CLASP1: variants seen among roughly 807,000 people sequenced by gnomAD.
The protein encoded by CLASP1 is cytoplasmic linker associated protein 1.
CLASP1 carries 38 observed loss-of-function variants against 192.3 expected under a neutral mutation model. The observed-to-expected ratio is 0.20, with a 90% confidence interval of 0.15 to 0.26. The LOEUF is 0.26. Ranked by LOEUF, CLASP1 falls within the 10% of genes least tolerant of loss-of-function variation. The probability of loss-of-function intolerance (pLI) is 1.00; values close to 1 mark genes in which losing one functional copy is unlikely to be tolerated. For missense variants in CLASP1, 1,433 were observed against 1,932.5 expected, an observed-to-expected ratio of 0.74 and a Z score of 4.85; for synonymous variants, 691 against 712.8, an observed-to-expected ratio of 0.97 and a Z score of 0.49.
rs767065234 is a variant in CLASP1, at chr2:121,458,836, T to C, written c.1314+4A>G. On this transcript the variant is annotated splice_donor_region_variant and intron_variant, in intron 13 of 39. Transcript: ENST00000263710. ...ATTTCAAGCATGGCCTATAACATAC[T>C]TACCCGAATAATTAACCTAACAGCT... 2.5e-6 allele frequency: 4 copies of C among 1,603,552 alleles called. No individual in the cohort carries two copies. Among genetic ancestry groups the C allele is most frequent in the Non-Finnish European group, 3.4e-6 (4 of 1,175,214 alleles).
At chr2:121,609,287 A>G (rs1370175848) in intron 1 of CLASP1, among the ~76,000 whole-genome samples, 1 of 152,206 alleles carries the variant, frequency 6.6e-6, no homozygotes, top group African/African-American at 2.4e-5. Context: ...ATTGTATAAG[A>G]TTTCTAACAA....
intron 2 of CLASP1, among the ~76,000 whole-genome samples, chr2:121,540,445 G>A (rs909997343): frequency 2.0e-5 from 3 of 152,132 alleles, no homozygotes; most frequent in South Asian, 2.1e-4. Flanking sequence ...CAAGTCCAGT[G>A]TGGGCAAGAT....
intron 2 of CLASP1, chr2:121,531,146 G>C (rs997065922): frequency 1.3e-5 from 8 of 614,968 alleles, no homozygotes; most frequent in Non-Finnish European, 2.1e-5. Flanking sequence ...CAGTTTTTGC[G>C]GTGATTAAAC....
At chr2:121,527,936 G>A in intron 4 of CLASP1, 46 bp from the exon 5 acceptor site, 1 of 1,485,418 alleles carries the variant, frequency 6.7e-7, no homozygotes, top group Non-Finnish European at 9.4e-7. Flanking sequence ...GACTGCTGCA[G>A]CTGACACTTT....
At chr2:121,605,717 T>G (rs1369476232) in exon 2 of CLASP1, 1 of 1,613,726 alleles carries the variant, frequency 6.2e-7, no homozygotes, top group African/African-American at 1.3e-5. Flanking sequence ...ATTGCTAGAG[T>G]TCACCCAAGA....
chr2:121,585,743 CA>C (rs776563467), intron 2 of CLASP1, among the ~76,000 whole-genome samples: 1 of 151,892 alleles, frequency 6.6e-6, no homozygotes, highest in Non-Finnish European at 1.5e-5. Flanking sequence ...ACTAAAAATA[CA>C]AAATTAGCTG....
At chr2:121,503,672 G>A (rs2093838249) in intron 7 of CLASP1, 1 of 154,212 alleles carries the variant, frequency 6.5e-6, no homozygotes, top group Non-Finnish European at 1.4e-5. Context: ...ACGTTACAAA[G>A]GCTTGTGCTT....
At chr2:121,372,621 C>T (rs546219968) in intron 34 of CLASP1, among the ~76,000 whole-genome samples, 5 of 152,196 alleles carry the variant, frequency 3.3e-5, no homozygotes, top group Admixed American at 6.5e-5. Flanking sequence ...AGCATTTGCT[C>T]GACAGCCCCA....
chr2:121,532,197 T>C (rs2094912046), intron 2 of CLASP1, among the ~76,000 whole-genome samples: 1 of 152,248 alleles, frequency 6.6e-6, no homozygotes, highest in African/African-American at 2.4e-5. Flanking sequence ...ATACATAAAA[T>C]GTTCTTGCAA....
At chr2:121,538,873 AC>A (rs2095162925) in intron 2 of CLASP1, among the ~76,000 whole-genome samples, 2 of 152,170 alleles carry the variant, frequency 1.3e-5, no homozygotes, top group African/African-American at 2.4e-5. Flanking sequence ...GAAAAAAATT[AC>A]ATTTCTATTC....
chr2:121,436,032 C>CTT (rs201117966), intron 19 of CLASP1, among the ~76,000 whole-genome samples: 4 of 144,248 alleles, frequency 2.8e-5, no homozygotes, highest in Non-Finnish European at 3.0e-5. Flanking sequence ...TGCAATTTTA[C>CTT]TTTTTTTTTT....
chr2:121,442,140 T>G (rs1050718339), intron 19 of CLASP1, among the ~76,000 whole-genome samples: 1 of 152,214 alleles, frequency 6.6e-6, no homozygotes, highest in Non-Finnish European at 1.5e-5. Context: ...ATGCTTTTCC[T>G]AAGCATACTA....
At chr2:121,362,997 T>C (rs1267393437) in intron 37 of CLASP1, among the ~76,000 whole-genome samples, 175 bp downstream of exon 38, 2 of 152,248 alleles carry the variant, frequency 1.3e-5, no homozygotes, top group African/African-American at 2.4e-5. Context: ...CCTGGAACTA[T>C]GCCACTGCTC....
chr2:121,594,311 A>AC (rs1328833758), intron 2 of CLASP1, among the ~76,000 whole-genome samples: 6 of 151,610 alleles, frequency 4.0e-5, no homozygotes, highest in African/African-American at 1.5e-4. Context: ...AAAAAAAAAA[A>AC]ATTTTCTTGT....
At chr2:121,607,906 A>G (rs1334458740) in intron 1 of CLASP1, among the ~76,000 whole-genome samples, 27 of 152,172 alleles carry the variant, frequency 1.8e-4, no homozygotes, top group Non-Finnish European at 1.5e-5. Flanking sequence ...AAGTCATTCA[A>G]TGAGGAAAAC....
intron 2 of CLASP1, among the ~76,000 whole-genome samples, chr2:121,602,329 A>G (rs7604452): frequency 0.23 from 35,021 of 152,048 alleles, 6,045 homozygotes; most frequent in African/African-American, 0.48. Context: ...GATACAAACA[A>G]ATAGAAAGAC....
chr2:121,435,776 T>C (rs2082194821), intron 19 of CLASP1, among the ~76,000 whole-genome samples: 2 of 152,194 alleles, frequency 1.3e-5, no homozygotes, highest in Admixed American at 1.3e-4. Context: ...TTAAACCTCT[T>C]TGAGATAATT....
intron 11 of CLASP1, 64 bp downstream of exon 11, chr2:121,461,037 T>G (rs541088079): frequency 1.2e-5 from 12 of 978,924 alleles, no homozygotes; most frequent in Non-Finnish European, 1.7e-5. Flanking sequence ...AATTTCACAA[T>G]AAAGTATTTG....
chr2:121,461,947 G>A (rs1380490853), intron 10 of CLASP1, among the ~76,000 whole-genome samples: 1 of 152,122 alleles, frequency 6.6e-6, no homozygotes, highest in African/African-American at 2.4e-5. Flanking sequence ...GGCAAAGAGA[G>A]TTGTACATAA....
Sources: allele counts gnomAD v4.1 joint callset (sites outside exome capture counted in the v4.1 genomes callset), GRCh38; gene constraint gnomAD v4.1.1; transcripts MANE v1.5; gene names NCBI Gene and HGNC (gene_info 2026-07-23, HGNC 2026-07-21).